Variants in EXD3 observed in about 807,000 individuals in gnomAD.
EXD3 encodes exonuclease mut-7 homolog.
In EXD3, 92 loss-of-function variants were observed where a neutral mutation model predicts 98.0. That is an observed-to-expected ratio of 0.94 (90% CI 0.79 to 1.12). The LOEUF is 1.12. Ranked by LOEUF, EXD3 falls within the 50% of genes most tolerant of loss-of-function variation. The probability of loss-of-function intolerance (pLI) is 0.00; values close to 1 mark genes in which losing one functional copy is unlikely to be tolerated. For missense variants in EXD3, 1,222 were observed against 1,191.6 expected (o/e 1.03, Z -0.38); for synonymous variants, 569 against 526.0 (o/e 1.08, Z -1.12).
intron 7 of EXD3, among the ~76,000 whole-genome samples, chr9:137,357,500 G>A (rs1834851462): frequency 1.3e-5 from 2 of 151,848 alleles, no homozygotes; most frequent in Admixed American, 6.6e-5. Context: ...ACCTCCCACT[G>A]AGCTTTCATT....
At chr9:137,354,841 G>A in intron 8 of EXD3, 68 bp from the exon 9 acceptor site, 1 of 1,483,364 alleles carries the variant, frequency 6.7e-7, no homozygotes, top group Non-Finnish European at 9.1e-7. Flanking sequence ...TTCTGGGGCG[G>A]GCTGGAGACG....
Position 137,405,772 on chromosome 9 carries a change from T to C in EXD3, c.-47-10368A>G, listed in dbSNP as rs1303587908. On this transcript the variant is annotated intron_variant, in intron 1 of 21. Coordinates refer to ENST00000340951, the MANE Select transcript of EXD3 (RefSeq NM_017820.5). The surrounding 1 kb of genome is among the most constrained non-coding windows in gnomAD (Gnocchi z 4.1). ...GACTCAGCATGAGCCTGGCTTCTCC[T>C]GCCGGCCGGCACAGGGGTGGGTACC... is the stretch of plus-strand genomic sequence containing the variant. 6.6e-6 allele frequency among the ~76,000 whole-genome samples: 1 copy of C among 152,256 alleles called. No homozygotes were observed. The highest frequency in any genetic ancestry group is 1.5e-5 in the Non-Finnish European group (1 of 68,048).
chr9:137,319,830 C>G (rs951722531), intron 19 of EXD3, among the ~76,000 whole-genome samples: 23 of 152,330 alleles, frequency 1.5e-4, no homozygotes, highest in African/African-American at 5.3e-4. Flanking sequence ...TCGCACTGGC[C>G]CTGAGGGACC....
rs551765904 is a variant in EXD3, at chr9:137,366,103, C to A, written c.656+390G>T. The A allele has an allele frequency of 5.0e-5, 35 of 693,840 alleles. No individual in the cohort carries two copies. In the African/African-American group the frequency reaches 6.1e-4, roughly 12 times the overall value. 43.0% of individuals were successfully genotyped at this position (693,840 alleles called of 1,614,324 possible). On this transcript the variant is annotated intron_variant, in intron 7 of 21. Transcript: ENST00000340951. ...CACCATATGGGCTCCTTGTCAGGTG[C>A]TGCCTTTTCTCTGTAATTGCTGACA...
chr9:137,403,477 C>T lies in EXD3; in HGVS notation c.-47-8073G>A, dbSNP rs529358669. 7.0e-3 allele frequency among the ~76,000 whole-genome samples: 1,063 copies of T among 152,086 alleles called. 6 individuals are homozygous for T. The highest frequency in any genetic ancestry group is 0.012 in the Non-Finnish European group (796 of 67,986). ...CCCAGGGTCTCCGAGGGTCGGGGGC[C>T]GCAGGGTCTGGCAGCACCCCATGAA... On this transcript the variant is annotated intron_variant, in intron 1 of 21. Transcript: ENST00000340951. This position sits in a 1 kb window ranked among gnomAD's most constrained non-coding sequence, Gnocchi z 6.1.
chr9:137,368,999 TG>T lies in EXD3; in HGVS notation c.463-1011del, dbSNP rs1375841190. On this transcript the variant is annotated intron_variant, in intron 5 of 21. Transcript: ENST00000340951. ...ACGGGGTGCAGTGCCCGGGGCGGGG[TG>T]GGGGGGCTTCTCAGAGCCGTGTGGG... Among the ~76,000 whole-genome samples, 5 of 18,160 alleles carry T rather than the reference TG, an allele frequency of 2.8e-4. No individual in the cohort carries two copies. The South Asian group carries it at 9.4e-3, about 34-fold the overall frequency. 11.9% of individuals were successfully genotyped at this position (18,160 alleles called of 152,430 possible). A position where few individuals can be genotyped will look rare whatever the true frequency, so the allele number is the denominator to read the frequency against.
chr9:137,355,443 G>GGGAGGAGGGAGGAA (rs1564507957), intron 8 of EXD3, among the ~76,000 whole-genome samples: 3 of 15,916 alleles, frequency 1.9e-4, no homozygotes, highest in Non-Finnish European at 5.3e-4. Flanking sequence ...GATGGAGGAA[G>GGGAGGAGGGAGGAA]GGAGGATGGA....
intron 19 of EXD3, among the ~76,000 whole-genome samples, chr9:137,310,503 C>A (rs954182170): frequency 6.6e-6 from 1 of 152,198 alleles, no homozygotes; most frequent in Non-Finnish European, 1.5e-5. Flanking sequence ...TGCTGGGACT[C>A]CAGGTGTGTG....
chr9:137,329,512 C>T (rs1319754700), intron 17 of EXD3, among the ~76,000 whole-genome samples: 1 of 83,532 alleles, frequency 1.2e-5, no homozygotes. Flanking sequence ...CGGGACTACA[C>T]GGGACTACAC....
Position 137,324,806 on chromosome 9 carries a change from C to T in EXD3, c.1999-663G>A, listed in dbSNP as rs1208654465. Among the ~76,000 whole-genome samples, 1 of 152,172 alleles carries T rather than the reference C, an allele frequency of 6.6e-6. No homozygotes were observed. The highest frequency in any genetic ancestry group is 6.5e-5 in the Admixed American group (1 of 15,284). ...CTCCTGGGTTCATGCCATTCTCCTG[C>T]CTCAGCCTCCCAAGTAGCTAGGACT... On this transcript the variant is annotated intron_variant, in intron 17 of 21. Transcript: ENST00000340951. The surrounding 1 kb of genome is among the most constrained non-coding windows in gnomAD (Gnocchi z 4.1).
chr9:137,388,631 A>ACGCCAGGCAGAGGG (rs1214893913), intron 2 of EXD3, among the ~76,000 whole-genome samples: 1 of 152,124 alleles, frequency 6.6e-6, no homozygotes, highest in Admixed American at 6.5e-5. Flanking sequence ...CAGGCAGAGG[A>ACGCCAGGCAGAGGG]CACCAGGCAG....
In EXD3 at chr9:137,341,517, G is replaced by A. The variant is rs570381694; in HGVS notation, c.1998+6554C>T. Among the ~76,000 whole-genome samples the A allele has an allele frequency of 1.2e-4, 18 of 150,574 alleles. 1 individual carries two copies. The East Asian group carries it at 1.8e-3, about 15-fold the overall frequency. On this transcript the variant is annotated intron_variant, in intron 17 of 21. Coordinates refer to ENST00000340951, the MANE Select transcript of EXD3 (RefSeq NM_017820.5). ...AAACGGGGCTCAGGCACCAGGAGCC[G>A]TCTCCCAGGAGTCAGAGGAAACGGG...
chr9:137,315,509 C>T (rs1278165417), intron 19 of EXD3, among the ~76,000 whole-genome samples: 1 of 152,104 alleles, frequency 6.6e-6, no homozygotes. Flanking sequence ...TGGGGGCCCC[C>T]GGCTGACCCG....
Position 137,383,342 on chromosome 9 carries a change from TCTGCAGGGC to T in EXD3, c.82_90del (p.Ala28_Gln30del), listed in dbSNP as rs1836415511. On this transcript the variant is annotated inframe_deletion, in exon 3 of 22. Transcript: ENST00000340951. ...TTCCGCTCCCGCGTGGACCACAGGG[TCTGCAGGGC>T]CTGCAGGAGCAGGAGGGGGTCCCGG... The T allele has an allele frequency of 3.9e-6, 6 of 1,550,396 alleles. No homozygotes were observed. In the South Asian group the frequency reaches 7.1e-5, roughly 18 times the overall value.
intron 17 of EXD3, among the ~76,000 whole-genome samples, chr9:137,346,951 G>T (rs1487216406): frequency 2.6e-5 from 4 of 152,102 alleles, no homozygotes; most frequent in South Asian, 2.1e-4. Flanking sequence ...GAGTAGCTGG[G>T]ATTACAGGCG....
intron 19 of EXD3, among the ~76,000 whole-genome samples, chr9:137,321,023 G>A (rs1340268858): frequency 1.3e-5 from 2 of 152,192 alleles, no homozygotes; most frequent in Non-Finnish European, 2.9e-5. Flanking sequence ...CAGAGGCCGC[G>A]GTCCCCGCAG....
At chr9:137,415,092 T>G (rs1219927642) in intron 1 of EXD3, among the ~76,000 whole-genome samples, 3 of 152,124 alleles carry the variant, frequency 2.0e-5, no homozygotes, top group Admixed American at 1.3e-4. Flanking sequence ...TTCATCATGT[T>G]GGCCAGGATG....
At position 137,397,642 on chromosome 9, in the gene EXD3, T is replaced by A. The variant is rs554513269; in HGVS notation, c.-47-2238A>T. ...TAGCAAAGACTTTAACACAACGATT[T>A]CAACTGCGTTCACAGAATGAACAGA... On this transcript the variant is annotated intron_variant, in intron 1 of 21. Transcript: ENST00000340951. 2.2e-4 allele frequency among the ~76,000 whole-genome samples: 33 copies of A among 152,186 alleles called. 1 individual carries two copies. Among genetic ancestry groups the A allele is most frequent in the Non-Finnish European group, 4.0e-4 (27 of 68,036 alleles).
At chr9:137,357,002 G>T (rs1834826408) in intron 7 of EXD3, among the ~76,000 whole-genome samples, 1 of 152,190 alleles carries the variant, frequency 6.6e-6, no homozygotes, top group South Asian at 2.1e-4. Context: ...CAGGGTCTGT[G>T]CCCGCTGCAC....
Sources: allele counts gnomAD v4.1 joint callset (sites outside exome capture counted in the v4.1 genomes callset), GRCh38; gene constraint gnomAD v4.1.1; non-coding constraint Gnocchi (gnomAD v3.1); transcripts MANE v1.5; gene names NCBI Gene and HGNC (gene_info 2026-07-23, HGNC 2026-07-21).